Variants in SLC30A9 observed in about 807,000 individuals in gnomAD.
SLC30A9 encodes the protein solute carrier family 30 member 9.
A neutral mutation model predicts 87.5 loss-of-function variants in SLC30A9; 58 were observed. That is an observed-to-expected ratio of 0.66 (90% confidence interval 0.54 to 0.82). The LOEUF (loss-of-function observed/expected upper bound fraction) is 0.82. SLC30A9 is among the 40% of genes least tolerant of loss of function. The pLI is 0.00. For missense variants in SLC30A9, 557 were observed against 679.1 expected (o/e 0.82, Z 2.00); for synonymous variants, 234 against 233.0 (o/e 1.00, Z -0.04).
intron 11 of SLC30A9, among the ~76,000 whole-genome samples, chr4:42,064,191 C>T (rs1717987341): frequency 6.6e-6 from 1 of 152,134 alleles, no homozygotes; most frequent in Non-Finnish European, 1.5e-5. Flanking sequence ...CATTTTTGGC[C>T]TCCTCAATTT....
At chr4:42,047,967 TAG>T (rs1717234657) in intron 8 of SLC30A9, among the ~76,000 whole-genome samples, 1 of 151,822 alleles carries the variant, frequency 6.6e-6, no homozygotes, top group African/African-American at 2.4e-5. Context: ...CTCAGCAGAC[TAG>T]CACAAGAACA....
At chr4:42,058,345 C>T (rs998472261) in intron 9 of SLC30A9, among the ~76,000 whole-genome samples, 6 of 152,178 alleles carry the variant, frequency 3.9e-5, no homozygotes, top group Non-Finnish European at 5.9e-5. Flanking sequence ...TCAGCCTGGA[C>T]TTTATTGTCC....
At chr4:42,077,115 A>T (rs962691840) in intron 16 of SLC30A9, among the ~76,000 whole-genome samples, 1 of 152,178 alleles carries the variant, frequency 6.6e-6, no homozygotes, top group African/African-American at 2.4e-5. Flanking sequence ...CAGCTTGCCT[A>T]GGTCTTACCA....
At chr4:42,025,644 A>G (rs1716156281) in intron 6 of SLC30A9, among the ~76,000 whole-genome samples, 2 of 152,164 alleles carry the variant, frequency 1.3e-5, no homozygotes, top group Admixed American at 6.5e-5. Flanking sequence ...TTTTGGCCTC[A>G]GAAAAAGTTG....
chr4:42,006,579 C>T (rs1412542875), intron 2 of SLC30A9, among the ~76,000 whole-genome samples: 1 of 151,404 alleles, frequency 6.6e-6, no homozygotes, highest in Non-Finnish European at 1.5e-5. Context: ...CCCAGCTACT[C>T]AAGATGTTGA....
intron 10 of SLC30A9, among the ~76,000 whole-genome samples, chr4:42,061,393 T>G (rs2153139744): frequency 6.6e-6 from 1 of 152,376 alleles, no homozygotes; most frequent in East Asian, 1.9e-4. Flanking sequence ...AAATTTTCAA[T>G]AAGTTAATAA....
At chr4:42,022,532 C>G (rs771161087) in intron 4 of SLC30A9, among the ~76,000 whole-genome samples, 15 of 152,052 alleles carry the variant, frequency 9.9e-5, no homozygotes, top group Middle Eastern at 3.2e-3. Flanking sequence ...ACTTTTTTCC[C>G]CATATATTAG....
rs1364245278 is a variant in SLC30A9 at position 42,070,676 on chromosome 4, A to C, written c.1403A>C (p.Asn468Thr). ...CAACGGCTCACTGAACTCCTGGAGA[A>C]TGACCCATCAGTAAGGTCAGCCTTA... ...QVQRLTELLE[N>T]DPSVRAIHDV... Residue 468 changes from asparagine (N) to threonine (T), a missense_variant, in exon 15 of 18, where the codon AAT becomes ACT. By Grantham distance (65) the Asn-to-Thr change is moderately conservative. Transcript: ENST00000264451. 1.9e-6 allele frequency: 3 copies of C among 1,613,714 alleles called. No homozygotes were observed. The highest frequency in any genetic ancestry group is 2.5e-6 in the Non-Finnish European group (3 of 1,179,728).
At chr4:42,079,377 TC>T (rs1718673844) in intron 17 of SLC30A9, among the ~76,000 whole-genome samples, 1 of 151,730 alleles carries the variant, frequency 6.6e-6, no homozygotes, top group Non-Finnish European at 1.5e-5. Context: ...CACTGTAACC[TC>T]CGTCTCCTGG....
intron 15 of SLC30A9, 148 bp downstream of exon 15, chr4:42,070,839 GA>G: frequency 1.8e-6 from 1 of 562,434 alleles, no homozygotes; most frequent in South Asian, 4.2e-5. Context: ...TATAATCCTG[GA>G]AGTAAGAAAG....
intron 1 of SLC30A9, among the ~76,000 whole-genome samples, chr4:41,999,875 G>T (rs116167031): frequency 0.019 from 2,860 of 151,952 alleles, 44 homozygotes; most frequent in Admixed American, 0.023. Flanking sequence ...ATGGTGTTAT[G>T]GTTGTGTTAA....
chr4:42,005,281 T>A (rs538221238), intron 2 of SLC30A9, among the ~76,000 whole-genome samples: 1 of 152,354 alleles, frequency 6.6e-6, no homozygotes, highest in East Asian at 1.9e-4. Flanking sequence ...TTTGCTTTTG[T>A]GTGCTACTCT....
intron 8 of SLC30A9, among the ~76,000 whole-genome samples, chr4:42,041,219 A>C (rs1296054244): frequency 6.6e-6 from 1 of 152,094 alleles, no homozygotes; most frequent in African/African-American, 2.4e-5. Context: ...GAGCTACAAG[A>C]TGAGATTTTG....
intron 14 of SLC30A9, among the ~76,000 whole-genome samples, chr4:42,068,099 A>G (rs1369605296): frequency 2.6e-5 from 4 of 152,208 alleles, no homozygotes; most frequent in Non-Finnish European, 1.5e-5. Context: ...AAAATTGGGT[A>G]AATAATTATT....
intron 2 of SLC30A9, among the ~76,000 whole-genome samples, chr4:42,002,263 GT>G (rs1172300364): frequency 1.3e-5 from 2 of 150,676 alleles, no homozygotes; most frequent in Non-Finnish European, 3.0e-5. Context: ...ATTATTTTTT[GT>G]TTTGTTTTAT....
chr4:42,014,071 A>G (rs149514671), intron 2 of SLC30A9, among the ~76,000 whole-genome samples: 18 of 152,346 alleles, frequency 1.2e-4, no homozygotes, highest in African/African-American at 3.8e-4. Context: ...TGGACAAAAT[A>G]TCTCAAGAGA....
At chr4:42,035,220 A>C (rs913990007) in intron 6 of SLC30A9, 55 bp from the exon 7 acceptor site, 5 of 1,523,724 alleles carry the variant, frequency 3.3e-6, no homozygotes, top group South Asian at 1.1e-5. Context: ...ATGTTCATCT[A>C]AACTGTGACT....
intron 6 of SLC30A9, among the ~76,000 whole-genome samples, chr4:42,033,360 C>G (rs1207500551): frequency 6.6e-6 from 1 of 151,460 alleles, no homozygotes; most frequent in Admixed American, 6.6e-5. Flanking sequence ...AAAATAAAGC[C>G]AGGCTCCATG....
At chr4:42,021,326 A>T (rs1251183580) in intron 4 of SLC30A9, among the ~76,000 whole-genome samples, 1 of 152,226 alleles carries the variant, frequency 6.6e-6, no homozygotes, top group Admixed American at 6.5e-5. Flanking sequence ...AGTCAGTGAC[A>T]GGGAGAACTA....
Sources: gnomAD v4.1 joint callset for allele counts (sites outside exome capture counted in the v4.1 genomes callset) on GRCh38, gnomAD v4.1.1 for gene constraint, MANE v1.5 for transcripts, NCBI Gene and HGNC (gene_info 2026-07-23, HGNC 2026-07-21) for gene names.